SPAG16: variants seen among roughly 807,000 people sequenced by gnomAD.
SPAG16 encodes the protein sperm associated antigen 16.
SPAG16 carries 86 observed loss-of-function variants against 80.4 expected under a neutral mutation model. The ratio of observed to expected loss-of-function variants is 1.07; its 90% CI spans 0.90 to 1.28. SPAG16 has a LOEUF of 1.28. Ranked by LOEUF, SPAG16 falls within the 50% of genes most tolerant of loss-of-function variation. The pLI is 0.00. For synonymous variants in SPAG16, 294 were observed against 265.9 expected (o/e 1.11, Z -1.03); for missense variants, 870 against 765.3 (o/e 1.14, Z -1.61).
At chr2:213,853,191 G>T (rs1034028716) in intron 10 of SPAG16, among the ~76,000 whole-genome samples, 1 of 152,198 alleles carries the variant, frequency 6.6e-6, no homozygotes, top group African/African-American at 2.4e-5. Flanking sequence ...CTAAAGGGAA[G>T]ACAAGGGTAT....
intron 11 of SPAG16, among the ~76,000 whole-genome samples, chr2:213,909,727 C>A (rs1456035197): frequency 9.2e-5 from 14 of 152,076 alleles, no homozygotes; most frequent in Non-Finnish European, 1.9e-4. Context: ...AAAATTAATT[C>A]AAGATGGATT....
chr2:214,281,133 G>T, intron 15 of SPAG16: 1 of 380,770 alleles, frequency 2.6e-6, no homozygotes, highest in South Asian at 2.3e-5. Flanking sequence ...CAAACCTATT[G>T]AGAAGCCTGT....
chr2:213,298,436 C>G (rs901889139), intron 3 of SPAG16, among the ~76,000 whole-genome samples: 12 of 152,184 alleles, frequency 7.9e-5, no homozygotes, highest in Non-Finnish European at 1.3e-4. Flanking sequence ...CATCCTCTTG[C>G]TTTACATCAC....
At chr2:213,836,201 G>C (rs1412461350) in intron 10 of SPAG16, among the ~76,000 whole-genome samples, 3 of 136,450 alleles carry the variant, frequency 2.2e-5, no homozygotes, top group Non-Finnish European at 4.6e-5. Context: ...TCCTATGTCT[G>C]AGAGAATAAA....
At chr2:213,873,925 A>C (rs954231475) in intron 11 of SPAG16, among the ~76,000 whole-genome samples, 3 of 152,172 alleles carry the variant, frequency 2.0e-5, no homozygotes, top group Admixed American at 1.3e-4. Flanking sequence ...ACCATAGACT[A>C]TACAGACTAT....
chr2:214,113,187 T>G (rs1178271874), intron 14 of SPAG16, among the ~76,000 whole-genome samples: 2 of 152,236 alleles, frequency 1.3e-5, no homozygotes, highest in Non-Finnish European at 2.9e-5. Context: ...TGAGAGATCC[T>G]CTGTTAGTCT....
At chr2:214,041,026 CT>C (rs1452532302) in intron 13 of SPAG16, among the ~76,000 whole-genome samples, 3 of 151,388 alleles carry the variant, frequency 2.0e-5, no homozygotes, top group Non-Finnish European at 4.4e-5. Context: ...CTTTCTGAGC[CT>C]TTTTGTTTAT....
At chr2:214,145,269 A>C (rs569296535) in intron 14 of SPAG16, among the ~76,000 whole-genome samples, 13 of 152,136 alleles carry the variant, frequency 8.5e-5, no homozygotes, top group African/African-American at 2.7e-4. Flanking sequence ...ACAAGTTTAC[A>C]TAACAGTTGC....
chr2:213,869,937 G>A (rs1485692087), intron 11 of SPAG16, among the ~76,000 whole-genome samples: 1 of 152,132 alleles, frequency 6.6e-6, no homozygotes, highest in African/African-American at 2.4e-5. Flanking sequence ...GGAAGGCCTG[G>A]TTTGAATGTT....
At chr2:213,536,640 T>G (rs1023765311) in intron 10 of SPAG16, among the ~76,000 whole-genome samples, 1 of 152,240 alleles carries the variant, frequency 6.6e-6, no homozygotes, top group African/African-American at 2.4e-5. Context: ...TTGAGAAGTG[T>G]CTGTTTATGT....
intron 14 of SPAG16, among the ~76,000 whole-genome samples, chr2:214,144,657 G>A (rs112727797): frequency 6.6e-6 from 1 of 151,930 alleles, no homozygotes; most frequent in Admixed American, 6.6e-5. Context: ...TTTGACAACA[G>A]AATATTATAT....
At chr2:214,260,950 T>C (rs961505603) in intron 15 of SPAG16, among the ~76,000 whole-genome samples, 1 of 151,040 alleles carries the variant, frequency 6.6e-6, no homozygotes, top group East Asian at 2.0e-4. Context: ...CTACTAAAAG[T>C]ACAAAAATTA....
At chr2:213,402,935 A>G (rs1408312365) in intron 9 of SPAG16, among the ~76,000 whole-genome samples, 16 of 152,290 alleles carry the variant, frequency 1.1e-4, no homozygotes, top group African/African-American at 2.4e-4. Context: ...TCCTTTGGGT[A>G]TATACCCAGT....
intron 9 of SPAG16, chr2:213,422,424 G>A (rs2069655010): frequency 1.6e-6 from 1 of 626,588 alleles, no homozygotes; most frequent in Non-Finnish European, 2.9e-6. Flanking sequence ...GGCTGGACCT[G>A]GTTCTCACTT....
intron 13 of SPAG16, among the ~76,000 whole-genome samples, chr2:214,103,711 A>G (rs1269249206): frequency 3.3e-5 from 5 of 152,154 alleles, no homozygotes; most frequent in African/African-American, 4.8e-5. Flanking sequence ...TCCTGACAGT[A>G]CAAAGGAGTT....
chr2:213,362,198 C>G (rs1171146759), intron 7 of SPAG16, among the ~76,000 whole-genome samples: 1 of 152,106 alleles, frequency 6.6e-6, no homozygotes, highest in Non-Finnish European at 1.5e-5. Flanking sequence ...GTGATCAAAC[C>G]TTCTGAAACA....
At chr2:214,224,022 T>C (rs1270098822) in intron 15 of SPAG16, among the ~76,000 whole-genome samples, 1 of 152,154 alleles carries the variant, frequency 6.6e-6, no homozygotes, top group African/African-American at 2.4e-5. Context: ...AGCTGTTCAA[T>C]AGGGACAGAA....
intron 9 of SPAG16, among the ~76,000 whole-genome samples, chr2:213,404,587 C>G (rs924006404): frequency 4.0e-5 from 6 of 151,824 alleles, no homozygotes; most frequent in Non-Finnish European, 1.5e-5. Flanking sequence ...AAATGTTAGA[C>G]CTAAAACCAT....
intron 15 of SPAG16, among the ~76,000 whole-genome samples, chr2:214,252,934 T>G (rs1024363644): frequency 2.0e-5 from 3 of 152,144 alleles, no homozygotes; most frequent in Non-Finnish European, 4.4e-5. Flanking sequence ...TTGTTCCTAT[T>G]TCTCCACTTC....
Sources: gnomAD v4.1 joint callset for allele counts (sites outside exome capture counted in the v4.1 genomes callset) on GRCh38, gnomAD v4.1.1 for gene constraint, MANE v1.5 for transcripts, NCBI Gene and HGNC (gene_info 2026-07-23, HGNC 2026-07-21) for gene names.